ZNF778: variants seen among roughly 807,000 people sequenced by gnomAD.
ZNF778 encodes the protein zinc finger protein 778.
Under a neutral mutation model 23.9 loss-of-function variants are expected in ZNF778, and 37 were observed. The observed-to-expected ratio is 1.54, with a 90% CI of 1.19 to 2.03. ZNF778 has a LOEUF of 2.03. Ranked by LOEUF, ZNF778 falls within the 30% of genes most tolerant of loss-of-function variation. The pLI is 0.00. For missense variants in ZNF778, 1,297 were observed against 934.4 expected (o/e 1.39, Z -5.06); for synonymous variants, 483 against 343.9 (o/e 1.40, Z -4.48).
Position 89,232,794 on chromosome 16 carries a change from T to C in ZNF778, c.*4232T>C, listed in dbSNP as rs568718532. 69 of 1,288,962 alleles carry C rather than the reference T, an allele frequency of 5.4e-5. No individual in the cohort carries two copies. Among genetic ancestry groups the C allele is most frequent in the Middle Eastern group, 4.3e-4 (2 of 4,694 alleles). 79.8% of individuals were successfully genotyped at this position (1,288,962 alleles called of 1,614,324 possible). A position where few individuals can be genotyped will look rare whatever the true frequency, so the allele number is the denominator to read the frequency against. ...CAAATCAACTCACTGCATATGCACA[T>C]CAACTCACTGCATATGCAACTCAAC... On this transcript the variant is annotated 3_prime_UTR_variant, in exon 7 of 7. Transcript: ENST00000433976.
intron 6 of ZNF778, 46 bp from the exon 7 acceptor site, chr16:89,226,648 A>G (rs2031494414): frequency 2.6e-6 from 4 of 1,520,280 alleles, no homozygotes; most frequent in East Asian, 2.3e-5. Context: ...AGATCTATGA[A>G]TCAGCCTCAG....
At position 89,234,333 on chromosome 16, in the gene ZNF778, C is replaced by T. The variant is rs940947274; in HGVS notation, c.*5771C>T. 1.5e-5 allele frequency: 5 copies of T among 323,768 alleles called. No individual in the cohort carries two copies. The East Asian group carries it at 2.4e-4, about 16-fold the overall frequency. The allele number at this position is 323,768 out of a possible 1,614,324, so 20.1% of individuals were successfully genotyped here. On this transcript the variant is annotated 3_prime_UTR_variant, in exon 7 of 7. Transcript: ENST00000433976. The stretch of plus-strand genomic sequence containing the variant: ...GGCAGTTTTATTCTTTCTCTCTACT[C>T]GTTCAACCTTCTTAGGGAGTGACGT...
chr16:89,224,951 T>A, intron 5 of ZNF778, 149 bp downstream of exon 5: 1 of 386,612 alleles, frequency 2.6e-6, no homozygotes, highest in Non-Finnish European at 5.0e-6. Flanking sequence ...TGTGGAAGAA[T>A]CCTGAGTGCA....
At position 89,224,767 on chromosome 16, in the gene ZNF778, A is replaced by G; in HGVS notation, c.293A>G (p.Glu98Gly). The stretch of plus-strand genomic sequence containing the variant: ...GTGATCTATTGGCTGGAGCAGGAAG[A>G]GGAGTTGAGGGCAGGGCGGAGAGCA... ...PSVIYWLEQE[E>G]ELRAGRRAVL... The change falls in exon 5 of 7, where the codon GAG (glutamate) becomes GGG (glycine). Residue 98 changes from glutamate to glycine, a missense_variant. Glu to Gly is a moderately conservative substitution (Grantham distance 98). Coordinates refer to ENST00000433976, the MANE Select transcript of ZNF778 (RefSeq NM_001201407.2). 2.0e-6 allele frequency: 3 copies of G among 1,531,020 alleles called. No homozygotes were observed. Among genetic ancestry groups the G allele is most frequent in the Middle Eastern group, 1.7e-4 (1 of 5,966 alleles). 94.8% of individuals were successfully genotyped at this position (1,531,020 alleles called of 1,614,324 possible). A position where few individuals can be genotyped will look rare whatever the true frequency, so the allele number is the denominator to read the frequency against.
At position 89,229,309 on chromosome 16, in the gene ZNF778, G is replaced by A. The variant is rs535671169; in HGVS notation, c.*747G>A. 9.1e-6 allele frequency: 9 copies of A among 985,372 alleles called. No homozygotes were observed. In the African/African-American group the frequency reaches 1.6e-4, roughly 17 times the overall value. 61.0% of individuals were successfully genotyped at this position (985,372 alleles called of 1,614,324 possible). A position where few individuals can be genotyped will look rare whatever the true frequency, so the allele number is the denominator to read the frequency against. On this transcript the variant is annotated 3_prime_UTR_variant, in exon 7 of 7. Coordinates refer to ENST00000433976, the MANE Select transcript of ZNF778 (RefSeq NM_001201407.2). ...TGAGGATCCAGATGTGATTCTGTGA[G>A]CAGTGTAAGCTCTGGTTGGTTAGTC...
chr16:89,223,943 G>C (rs1488382581), intron 4 of ZNF778, among the ~76,000 whole-genome samples: 4 of 152,172 alleles, frequency 2.6e-5, no homozygotes, highest in African/African-American at 9.7e-5. Context: ...ACTCTGGGAG[G>C]CTGGGTGCAG....
chr16:89,227,707 A>C lies in ZNF778; in HGVS notation c.1419A>C (p.Gly473=). Residue 473 remains glycine (G), a synonymous_variant, in exon 7 of 7, where the codon GGA becomes GGC. Transcript: ENST00000433976. ...CTGAGCATGTAAGGACTCACACTGG[A>C]GAGAAACCATATGAATGTAAAGATT... ...GLTEHVRTHT[G]EKPYECKDCG... 1 of 1,614,180 alleles carries C rather than the reference A, an allele frequency of 6.2e-7. No homozygotes were observed. The highest frequency in any genetic ancestry group is 8.5e-7 in the Non-Finnish European group (1 of 1,180,020).
At chr16:89,226,319 C>T (rs1271372460) in intron 6 of ZNF778, among the ~76,000 whole-genome samples, 1 of 152,150 alleles carries the variant, frequency 6.6e-6, no homozygotes, top group Non-Finnish European at 1.5e-5. Flanking sequence ...CATTCTTCTG[C>T]CTCAGCCTCC....
chr16:89,225,454 C>A, intron 5 of ZNF778, 101 bp from the exon 6 acceptor site: 1 of 997,924 alleles, frequency 1.0e-6, no homozygotes, highest in Non-Finnish European at 1.5e-6. Flanking sequence ...AGCCAAACTC[C>A]TTAAATCTAT....
Position 89,232,790 on chromosome 16 carries a change from C to G in ZNF778, c.*4228C>G. 3 of 1,274,208 alleles carry G rather than the reference C, an allele frequency of 2.4e-6. No homozygotes were observed. The highest frequency in any genetic ancestry group is 3.0e-6 in the Non-Finnish European group (3 of 988,334). 78.9% of individuals were successfully genotyped at this position (1,274,208 alleles called of 1,614,324 possible). A position where few individuals can be genotyped will look rare whatever the true frequency, so the allele number is the denominator to read the frequency against. On this transcript the variant is annotated 3_prime_UTR_variant, in exon 7 of 7. Transcript: ENST00000433976. ...TATACAAATCAACTCACTGCATATG[C>G]ACATCAACTCACTGCATATGCAACT...
Position 89,237,121 on chromosome 16 carries a change from T to G in ZNF778, c.*8559T>G, listed in dbSNP as rs2032261605. 1 of 150,698 alleles carries G rather than the reference T, an allele frequency of 6.6e-6. No homozygotes were observed. The highest frequency in any genetic ancestry group is 2.4e-5 in the African/African-American group (1 of 40,962). 9.3% of individuals were successfully genotyped at this position (150,698 alleles called of 1,614,324 possible). On this transcript the variant is annotated 3_prime_UTR_variant, in exon 7 of 7. Coordinates refer to ENST00000433976, the MANE Select transcript of ZNF778 (RefSeq NM_001201407.2). Reference sequence around the variant, plus strand: ...TACTAAAATGGTCCAATATGTTAATTAAAACATACTACTAAAAAAAGTGTT... The same window carrying G: ...TACTAAAATGGTCCAATATGTTAATGAAAACATACTACTAAAAAAAGTGTT...
intron 3 of ZNF778, 108 bp from the exon 4 acceptor site, chr16:89,223,049 C>G: frequency 7.5e-7 from 1 of 1,338,414 alleles, no homozygotes; most frequent in African/African-American, 1.5e-5. Context: ...ATGGGGTAGA[C>G]AGTAGGAGGC....
intron 1 of ZNF778, among the ~76,000 whole-genome samples, chr16:89,219,810 T>C (rs979913293): frequency 6.6e-6 from 1 of 152,258 alleles, no homozygotes; most frequent in African/African-American, 2.4e-5. Context: ...ACGTTGCCCC[T>C]AAAATTAAAA....
At chr16:89,223,400 A>T in intron 4 of ZNF778, 117 bp downstream of exon 4, 2 of 1,414,010 alleles carry the variant, frequency 1.4e-6, no homozygotes, top group Non-Finnish European at 2.0e-6. Context: ...AGATATAACA[A>T]CTGTGCTAGT....
At chr16:89,222,307 C>T (rs1349868345) in intron 3 of ZNF778, 124 bp downstream of exon 3, 4 of 563,176 alleles carry the variant, frequency 7.1e-6, no homozygotes, top group Non-Finnish European at 1.2e-5. Flanking sequence ...TTGAACGCCT[C>T]CAGGGAGAAG....
At chr16:89,223,504 G>C (rs9922578) in intron 4 of ZNF778, among the ~76,000 whole-genome samples, 136,885 of 152,232 alleles carry the variant, frequency 0.9, 62,694 homozygotes, top group East Asian at 0.99. Flanking sequence ...TGAGGCTTCA[G>C]CTGGGACACA....
chr16:89,235,149 A>C lies in ZNF778; in HGVS notation c.*6587A>C, dbSNP rs1209095587. ...CCACTATGGACATAAAAATTTTTGC[A>C]AGGCCTCTTTTTTTTAATGAAGAAA... On this transcript the variant is annotated 3_prime_UTR_variant, in exon 7 of 7. Transcript: ENST00000433976. 1 of 151,724 alleles carries C rather than the reference A, an allele frequency of 6.6e-6. No individual in the cohort carries two copies. Among genetic ancestry groups the C allele is most frequent in the Non-Finnish European group, 1.5e-5 (1 of 67,918 alleles). The allele number at this position is 151,724 out of a possible 1,614,324, so 9.4% of individuals were successfully genotyped here. A position where few individuals can be genotyped will look rare whatever the true frequency, so the allele number is the denominator to read the frequency against.
intron 6 of ZNF778, 100 bp downstream of exon 6, chr16:89,225,731 G>GT: frequency 9.1e-7 from 1 of 1,102,228 alleles, no homozygotes; most frequent in Non-Finnish European, 1.3e-6. Flanking sequence ...TAGAGAAGCA[G>GT]GATTCACTCA....
intron 5 of ZNF778, among the ~76,000 whole-genome samples, chr16:89,225,129 T>G: frequency 9.0e-6 from 1 of 111,158 alleles, no homozygotes. Flanking sequence ...TTTTTTTTTT[T>G]TTTTGAGACG....
Sources: gnomAD v4.1 joint callset for allele counts (sites outside exome capture counted in the v4.1 genomes callset) on GRCh38, gnomAD v4.1.1 for gene constraint, MANE v1.5 for transcripts, NCBI Gene and HGNC (gene_info 2026-07-23, HGNC 2026-07-21) for gene names.